The following SYNPO variants were observed in gnomAD, a reference collection of about 807,000 sequenced individuals.
SYNPO encodes synaptopodin.
SYNPO carries 19 observed loss-of-function variants against 49.5 expected under a neutral mutation model. The observed-to-expected ratio is 0.38, with a 90% confidence interval of 0.27 to 0.56. The LOEUF (loss-of-function observed/expected upper bound fraction) is 0.56. SYNPO is among the 20% of genes least tolerant of loss of function. The pLI is 0.68. For synonymous variants in SYNPO, 536 were observed against 548.0 expected, an observed-to-expected ratio of 0.98 and a Z score of 0.31; for missense variants, 1,131 against 1,248.3, an observed-to-expected ratio of 0.91 and a Z score of 1.42.
intron 1 of SYNPO, among the ~76,000 whole-genome samples, chr5:150,606,709 C>G (rs1248924638): frequency 6.6e-6 from 1 of 152,212 alleles, no homozygotes; most frequent in Admixed American, 6.5e-5. Context: ...TTGGAAGGAA[C>G]AGGGCTGAAC....
At chr5:150,604,950 G>A (rs980229170) in intron 1 of SYNPO, among the ~76,000 whole-genome samples, 1 of 152,108 alleles carries the variant, frequency 6.6e-6, no homozygotes, top group Non-Finnish European at 1.5e-5. Flanking sequence ...GCTCCCCATG[G>A]CTCCATAACT....
chr5:150,649,040 G>A lies in SYNPO; in HGVS notation c.765G>A (p.Glu255=). Residue 255 remains glutamate (E), a synonymous_variant, in exon 2 of 3, where the codon GAG becomes GAA. Transcript: ENST00000307662. ...CGCCAGGGGGCACCAGCCAGATGGA[G>A]AGGAGCCCCATGCTAGAGAGACGAC... ...IQAPGGTSQM[E]RSPMLERRHF... 1.2e-6 allele frequency: 2 copies of A among 1,614,238 alleles called. No homozygotes were observed. Among genetic ancestry groups the A allele is most frequent in the Admixed American group, 1.7e-5 (1 of 60,032 alleles).
intron 2 of SYNPO, among the ~76,000 whole-genome samples, chr5:150,630,561 C>T (rs570784331): frequency 2.0e-5 from 3 of 152,178 alleles, no homozygotes; most frequent in Non-Finnish European, 4.4e-5. Flanking sequence ...TAGACTGTCA[C>T]GCGCACGGAG....
chr5:150,653,118 T>C (rs1758446547), intron 2 of SYNPO: 3 of 152,232 alleles, frequency 2.0e-5, no homozygotes, highest in Non-Finnish European at 4.4e-5. Context: ...CCCACCGCAT[T>C]CCCAAGGAGC....
intron 2 of SYNPO, among the ~76,000 whole-genome samples, chr5:150,623,913 G>A (rs1346456547): frequency 6.6e-6 from 1 of 152,232 alleles, no homozygotes; most frequent in Non-Finnish European, 1.5e-5. Flanking sequence ...AATTGCTGGG[G>A]CTGTGGAGGG....
In SYNPO at chr5:150,648,090, G is replaced by A. The variant is rs184254226; in HGVS notation, c.-186G>A. ...CAACAGGCGCCGGCAGAGGGTGAACGAGTTCACCTTGGAGAGCCACGGCCA... is the reference window on the plus strand; with the variant it reads ...CAACAGGCGCCGGCAGAGGGTGAACAAGTTCACCTTGGAGAGCCACGGCCA... On this transcript the variant is annotated 5_prime_UTR_variant, in exon 2 of 3. Coordinates refer to ENST00000307662, the MANE Select transcript of SYNPO (RefSeq NM_007286.6). This position sits in a 1 kb window ranked among gnomAD's most constrained non-coding sequence, Gnocchi z 5.0. The A allele has an allele frequency of 1.6e-4, 256 of 1,551,804 alleles. 1 individual carries two copies. Among genetic ancestry groups the A allele is most frequent in the Non-Finnish European group, 3.7e-5 (42 of 1,147,026 alleles).
intron 1 of SYNPO, among the ~76,000 whole-genome samples, chr5:150,616,115 C>T (rs2151361173): frequency 6.6e-6 from 1 of 152,282 alleles, no homozygotes; most frequent in East Asian, 1.9e-4. Flanking sequence ...CTGGTTGGCT[C>T]TGATTTTCCC....
At chr5:150,591,533 G>C in the SYNPO span, among the ~76,000 whole-genome samples, 435 of 152,352 alleles carry the variant, frequency 2.9e-3, 3 homozygotes, top group African/African-American at 9.8e-3. Context: ...CCAAGCCCTG[G>C]TCTCTTGGCC....
chr5:150,645,711 C>T (rs1758065731), intron 1 of SYNPO, among the ~76,000 whole-genome samples: 1 of 152,166 alleles, frequency 6.6e-6, no homozygotes, highest in Admixed American at 6.5e-5. Flanking sequence ...AGTTCTGACT[C>T]CAGCTTTGTC....
At chr5:150,619,821 C>T (rs1436723853) in intron 2 of SYNPO, among the ~76,000 whole-genome samples, 1 of 152,232 alleles carries the variant, frequency 6.6e-6, no homozygotes, top group Non-Finnish European at 1.5e-5. Flanking sequence ...ATAATTCTCT[C>T]CAGGCTCTGA....
chr5:150,592,703 T>C, the SYNPO span, among the ~76,000 whole-genome samples: 5 of 152,188 alleles, frequency 3.3e-5, no homozygotes, highest in African/African-American at 1.2e-4. Flanking sequence ...CAGAGGCCAC[T>C]CCTCAGTGAT....
At chr5:150,639,387 CT>C (rs1420352945), upstream of SYNPO, among the ~76,000 whole-genome samples, 1 of 152,252 alleles carries the variant, frequency 6.6e-6, no homozygotes, top group Non-Finnish European at 1.5e-5. Context: ...TCTGGGGCCT[CT>C]GGGCCAGGTT....
Position 150,627,100 on chromosome 5 carries a change from G to A in SYNPO, c.400+8333G>A, listed in dbSNP as rs537709523. Among the ~76,000 whole-genome samples the A allele has an allele frequency of 5.3e-5, 8 of 152,202 alleles. No individual in the cohort carries two copies. In the South Asian group the frequency reaches 8.3e-4, roughly 16 times the overall value. On this transcript the variant is annotated intron_variant, in intron 2 of 2. Transcript: ENST00000394243. ...CCAGGGCCCCTGCCTGGCCTGGGAGGCACCTTTTCCTTCAAGGCAGCTCCC... is the reference window on the plus strand; with the variant it reads ...CCAGGGCCCCTGCCTGGCCTGGGAGACACCTTTTCCTTCAAGGCAGCTCCC...
intron 1 of SYNPO, among the ~76,000 whole-genome samples, chr5:150,645,091 G>A (rs1377668925): frequency 6.6e-6 from 1 of 152,166 alleles, no homozygotes; most frequent in Non-Finnish European, 1.5e-5. Context: ...CCCATGTGGG[G>A]TCACCCGGCT....
intron 2 of SYNPO, among the ~76,000 whole-genome samples, chr5:150,619,051 T>C (rs1323205852): frequency 8.8e-5 from 13 of 148,508 alleles, no homozygotes; most frequent in Admixed American, 8.7e-4. Flanking sequence ...AAAAAAAAAA[T>C]GCCCATTTCC....
Position 150,658,522 on chromosome 5 carries a change from G to C in SYNPO, c.*1435G>C, listed in dbSNP as rs1758651635. ...GATTCAGGTCCCCAGGGGGGACTCA[G>C]GGAGGAATATGGCTGAGTTCTGTAG... On this transcript the variant is annotated 3_prime_UTR_variant, in exon 3 of 3. Transcript: ENST00000307662. 6.6e-6 allele frequency: 1 copy of C among 152,384 alleles called. No homozygotes were observed. 9.4% of individuals were successfully genotyped at this position (152,384 alleles called of 1,614,324 possible).
chr5:150,596,694 G>A (rs1476863351), upstream of SYNPO, among the ~76,000 whole-genome samples: 1 of 152,124 alleles, frequency 6.6e-6, no homozygotes, highest in African/African-American at 2.4e-5. Context: ...ACAGCCCAGG[G>A]TACCTTCTTG....
upstream of SYNPO, among the ~76,000 whole-genome samples, chr5:150,599,316 G>A (rs569354475): frequency 7.9e-5 from 12 of 152,358 alleles, no homozygotes; most frequent in Admixed American, 3.3e-4. Context: ...CCAAGAACCC[G>A]GGAAGCAAGC....
chr5:150,639,067 T>C (rs531278127), upstream of SYNPO, among the ~76,000 whole-genome samples: 4 of 152,300 alleles, frequency 2.6e-5, no homozygotes, highest in African/African-American at 9.6e-5. Context: ...TTTCTAAAAA[T>C]TGACTGATTA....
Sources: gnomAD v4.1 joint callset for allele counts (sites outside exome capture counted in the v4.1 genomes callset) on GRCh38, gnomAD v4.1.1 for gene constraint, Gnocchi (gnomAD v3.1) non-coding constraint, MANE v1.5 for transcripts, NCBI Gene and HGNC (gene_info 2026-07-23, HGNC 2026-07-21) for gene names.